MBD5: variants seen among roughly 807,000 people sequenced by gnomAD.
MBD5 encodes the protein methyl-CpG binding domain protein 5.
MBD5 carries 13 observed loss-of-function variants against 117.3 expected under a neutral mutation model. The ratio of observed to expected loss-of-function variants is 0.11; its 90% CI spans 0.07 to 0.18. The LOEUF is 0.18. Among genes scored for constraint, MBD5 ranks in the 10% least tolerant of loss-of-function variants. The probability of loss-of-function intolerance (pLI) is 1.00; values close to 1 mark genes in which losing one functional copy is unlikely to be tolerated. For missense variants in MBD5, 1,879 were observed against 2,093.8 expected (o/e 0.90, Z 2.00); for synonymous variants, 727 against 766.4 (o/e 0.95, Z 0.85).
At chr2:148,245,462 C>T (rs947317469) in intron 3 of MBD5, among the ~76,000 whole-genome samples, 2 of 151,862 alleles carry the variant, frequency 1.3e-5, no homozygotes, top group African/African-American at 4.8e-5. Flanking sequence ...TGGTGTGTGC[C>T]GGCTTGTGCC....
At chr2:148,057,410 T>G (rs1694897796) in intron 1 of MBD5, among the ~76,000 whole-genome samples, 1 of 151,818 alleles carries the variant, frequency 6.6e-6, no homozygotes. Flanking sequence ...TTATATAAGG[T>G]TTTTGTTTTT....
chr2:148,103,458 T>C (rs1696283709), intron 1 of MBD5, among the ~76,000 whole-genome samples: 1 of 152,330 alleles, frequency 6.6e-6, no homozygotes, highest in Non-Finnish European at 1.5e-5. Flanking sequence ...AGCTCATCAC[T>C]GATAGAGGGA....
intron 1 of MBD5, among the ~76,000 whole-genome samples, chr2:148,081,984 G>C (rs1281959016): frequency 6.6e-6 from 1 of 152,142 alleles, no homozygotes; most frequent in East Asian, 1.9e-4. Context: ...TTCCGCATGA[G>C]TCTATATAAT....
Position 148,382,244 on chromosome 2 carries a change from A to C in MBD5, c.-557+39908A>C, listed in dbSNP as rs899385010. Among the ~76,000 whole-genome samples the C allele has an allele frequency of 9.2e-5, 14 of 152,012 alleles. No homozygotes were observed. The South Asian group carries it at 2.1e-3, about 23-fold the overall frequency. Reference sequence around the variant, plus strand: ...GCAGAGACACACATAGGCTCAAAATAAAGGGATGGAGGAAGATCTACCAAG... The same window carrying C: ...GCAGAGACACACATAGGCTCAAAATCAAGGGATGGAGGAAGATCTACCAAG... On this transcript the variant is annotated intron_variant, in intron 4 of 13. Transcript: ENST00000642680.
intron 1 of MBD5, among the ~76,000 whole-genome samples, chr2:148,043,018 A>G (rs1265965550): frequency 1.3e-5 from 2 of 152,098 alleles, no homozygotes; most frequent in Non-Finnish European, 2.9e-5. Context: ...TATGTATTTC[A>G]GGGAGTTTGT....
chr2:148,024,318 T>TA (rs1693842154), intron 1 of MBD5, among the ~76,000 whole-genome samples: 2 of 152,234 alleles, frequency 1.3e-5, no homozygotes, highest in African/African-American at 4.8e-5. Flanking sequence ...CTCCTGCACT[T>TA]ACAATTAATC....
chr2:148,118,630 T>A (rs1696695737), intron 1 of MBD5, among the ~76,000 whole-genome samples: 1 of 151,890 alleles, frequency 6.6e-6, no homozygotes, highest in African/African-American at 2.4e-5. Context: ...TCATTTTGGC[T>A]TGTATTACCC....
chr2:148,316,885 G>GT (rs1470004838), intron 3 of MBD5, among the ~76,000 whole-genome samples: 2 of 152,164 alleles, frequency 1.3e-5, no homozygotes, highest in Admixed American at 6.5e-5. Flanking sequence ...GACCAGGTCA[G>GT]TTTTTTGTGT....
intron 8 of MBD5, among the ~76,000 whole-genome samples, chr2:148,476,052 A>T (rs950314845): frequency 6.6e-6 from 1 of 152,158 alleles, no homozygotes; most frequent in African/African-American, 2.4e-5. Flanking sequence ...GGAGTTGCTG[A>T]GGTATTCCTG....
At chr2:148,092,462 TATACC>T (rs1188752749) in intron 1 of MBD5, among the ~76,000 whole-genome samples, 1 of 152,160 alleles carries the variant, frequency 6.6e-6, no homozygotes, top group Non-Finnish European at 1.5e-5. Flanking sequence ...TGTGTATGTA[TATACC>T]ATGGAATACT....
intron 3 of MBD5, among the ~76,000 whole-genome samples, chr2:148,259,250 G>A (rs545331076): frequency 6.6e-6 from 1 of 152,232 alleles, no homozygotes; most frequent in South Asian, 2.1e-4. Flanking sequence ...TGCAACCAAC[G>A]TGCTGCATCC....
At chr2:148,486,083 G>A in intron 10 of MBD5, 133 bp downstream of exon 10, 1 of 831,328 alleles carries the variant, frequency 1.2e-6, no homozygotes. Context: ...TCTCAGTCAT[G>A]AGTATTGTTA....
At chr2:148,450,048 T>C (rs1173278491) in intron 4 of MBD5, among the ~76,000 whole-genome samples, 2 of 152,098 alleles carry the variant, frequency 1.3e-5, no homozygotes, top group Non-Finnish European at 2.9e-5. Context: ...TGTATAATTT[T>C]ATAGTATGTT....
chr2:148,482,758 C>T (rs949716294), intron 8 of MBD5, among the ~76,000 whole-genome samples: 3 of 152,014 alleles, frequency 2.0e-5, no homozygotes, highest in South Asian at 2.1e-4. Flanking sequence ...GAATGAAGAA[C>T]GTGGATTCTC....
intron 1 of MBD5, 84 bp downstream of exon 1, chr2:148,021,768 C>G: frequency 4.8e-6 from 1 of 208,802 alleles, no homozygotes; most frequent in South Asian, 5.6e-5. Context: ...ACCACATACG[C>G]AGTGGAGCTC....
chr2:148,104,307 A>G (rs1696312067), intron 1 of MBD5, among the ~76,000 whole-genome samples: 1 of 152,146 alleles, frequency 6.6e-6, no homozygotes, highest in Non-Finnish European at 1.5e-5. Context: ...TGAGATGCAT[A>G]CATGAAAAAA....
intron 1 of MBD5, among the ~76,000 whole-genome samples, chr2:148,083,480 G>A (rs1379234639): frequency 1.3e-5 from 2 of 151,522 alleles, no homozygotes; most frequent in African/African-American, 4.9e-5. Context: ...ACATATACAT[G>A]GTCCATCCAA....
At chr2:148,185,055 C>T (rs1698620575) in intron 2 of MBD5, among the ~76,000 whole-genome samples, 1 of 152,336 alleles carries the variant, frequency 6.6e-6, no homozygotes, top group Non-Finnish European at 1.5e-5. Flanking sequence ...TTATGGTTTA[C>T]TTCTGAGGGC....
At chr2:148,392,481 G>A (rs935780073) in intron 4 of MBD5, among the ~76,000 whole-genome samples, 2 of 152,070 alleles carry the variant, frequency 1.3e-5, no homozygotes, top group Admixed American at 6.6e-5. Context: ...GAATTTTCAC[G>A]CACAATGCTG....
Sources: allele counts gnomAD v4.1 joint callset (sites outside exome capture counted in the v4.1 genomes callset), GRCh38; gene constraint gnomAD v4.1.1; transcripts MANE v1.5; gene names NCBI Gene and HGNC (gene_info 2026-07-23, HGNC 2026-07-21).